Variants in HS6ST3 observed in about 807,000 individuals in gnomAD.
HS6ST3 encodes heparan-sulfate 6-O-sulfotransferase 3.
In HS6ST3, 12 loss-of-function variants were observed where a neutral mutation model predicts 36.7. The observed-to-expected ratio is 0.33, with a 90% CI of 0.21 to 0.53. The LOEUF (loss-of-function observed/expected upper bound fraction) is 0.53, where lower values mean the gene tolerates loss of function less well. HS6ST3 is among the 20% of genes least tolerant of loss of function. HS6ST3 has a pLI of 0.95. For missense variants in HS6ST3, 584 were observed against 640.9 expected (o/e 0.91, Z 0.96); for synonymous variants, 240 against 257.5 (o/e 0.93, Z 0.65).
chr13:96,712,593 TAGC>T (rs780738823), intron 1 of HS6ST3, among the ~76,000 whole-genome samples: 2 of 152,146 alleles, frequency 1.3e-5, no homozygotes, highest in Non-Finnish European at 2.9e-5. Flanking sequence ...GAGCGCCAAA[TAGC>T]AGTTTCTCCT....
chr13:96,207,050 A>G (rs761055664), intron 1 of HS6ST3, among the ~76,000 whole-genome samples: 7 of 152,314 alleles, frequency 4.6e-5, no homozygotes, highest in Non-Finnish European at 7.4e-5. Context: ...GATTTTTGCA[A>G]TCTATCCATC....
chr13:96,318,199 T>G (rs2139413284), intron 1 of HS6ST3, among the ~76,000 whole-genome samples: 1 of 152,336 alleles, frequency 6.6e-6, no homozygotes, highest in Non-Finnish European at 1.5e-5. Flanking sequence ...CATTTAAATC[T>G]TTAGTCCATC....
At chr13:96,371,744 CATA>C (rs2139441430) in intron 1 of HS6ST3, among the ~76,000 whole-genome samples, 1 of 152,270 alleles carries the variant, frequency 6.6e-6, no homozygotes, top group East Asian at 1.9e-4. Context: ...TTATTTTTAG[CATA>C]ATATCTGCCA....
intron 1 of HS6ST3, among the ~76,000 whole-genome samples, chr13:96,182,204 C>A (rs6492837): frequency 0.91 from 138,819 of 152,242 alleles, 63,418 homozygotes; most frequent in Non-Finnish European, 0.94. Flanking sequence ...TCCTCTCTTA[C>A]ATTAATTTGA....
intron 1 of HS6ST3, among the ~76,000 whole-genome samples, chr13:96,832,175 G>A (rs893259242): frequency 2.6e-5 from 4 of 152,052 alleles, no homozygotes; most frequent in African/African-American, 4.8e-5. Flanking sequence ...GTAAGGTATT[G>A]TTATTGCCAG....
chr13:96,805,473 A>G (rs1021028756), intron 1 of HS6ST3, among the ~76,000 whole-genome samples: 6 of 152,214 alleles, frequency 3.9e-5, no homozygotes, highest in African/African-American at 1.4e-4. Flanking sequence ...ACCCAGTCTC[A>G]GGTAGTTCTT....
chr13:96,555,337 G>T (rs1321493187), intron 1 of HS6ST3, among the ~76,000 whole-genome samples: 1 of 152,126 alleles, frequency 6.6e-6, no homozygotes, highest in East Asian at 1.9e-4. Context: ...TTAACACAAT[G>T]AAAAGCATTA....
At chr13:96,475,728 G>T (rs924904817) in intron 1 of HS6ST3, among the ~76,000 whole-genome samples, 1 of 151,966 alleles carries the variant, frequency 6.6e-6, no homozygotes. Context: ...AATGGTCACA[G>T]GTCAAAAAAG....
intron 1 of HS6ST3, among the ~76,000 whole-genome samples, chr13:96,092,973 C>T (rs2053772432): frequency 6.6e-6 from 1 of 152,124 alleles, no homozygotes; most frequent in Non-Finnish European, 1.5e-5. Context: ...TACTTTGGAT[C>T]TTGCCACTCT....
intron 1 of HS6ST3, among the ~76,000 whole-genome samples, chr13:96,714,038 T>C (rs778214456): frequency 2.0e-4 from 30 of 152,258 alleles, no homozygotes; most frequent in Admixed American, 8.5e-4. Context: ...ATAGCTCCCA[T>C]GTGGTTTAAA....
At chr13:96,419,240 G>A (rs2055550259) in intron 1 of HS6ST3, among the ~76,000 whole-genome samples, 1 of 152,212 alleles carries the variant, frequency 6.6e-6, no homozygotes, top group African/African-American at 2.4e-5. Flanking sequence ...CACTAATTAT[G>A]AGTTCCTTTT....
chr13:96,737,923 C>T (rs1447686661), intron 1 of HS6ST3, among the ~76,000 whole-genome samples: 1 of 152,144 alleles, frequency 6.6e-6, no homozygotes, highest in African/African-American at 2.4e-5. Flanking sequence ...ATCTCCTTCT[C>T]TTTCTCTCTT....
At chr13:96,178,943 G>A (rs1410347167) in intron 1 of HS6ST3, among the ~76,000 whole-genome samples, 1 of 152,136 alleles carries the variant, frequency 6.6e-6, no homozygotes, top group African/African-American at 2.4e-5. Context: ...CATTGGCATT[G>A]GGCCAAATAC....
chr13:96,781,402 A>G (rs1275527484), intron 1 of HS6ST3, among the ~76,000 whole-genome samples: 1 of 152,090 alleles, frequency 6.6e-6, no homozygotes, highest in Non-Finnish European at 1.5e-5. Flanking sequence ...AACCTGCCCA[A>G]CTCTACATAG....
chr13:96,629,661 G>A (rs1284327949), intron 1 of HS6ST3, among the ~76,000 whole-genome samples: 1 of 151,986 alleles, frequency 6.6e-6, no homozygotes, highest in Non-Finnish European at 1.5e-5. Flanking sequence ...TTAAATATCT[G>A]TTCTTTATTT....
intron 1 of HS6ST3, among the ~76,000 whole-genome samples, chr13:96,734,789 G>A (rs772860977): frequency 7.2e-5 from 11 of 152,130 alleles, no homozygotes; most frequent in East Asian, 1.9e-4. Flanking sequence ...AAGTGACAGC[G>A]CACCAACCAT....
chr13:96,525,069 C>T (rs2056108408), intron 1 of HS6ST3, among the ~76,000 whole-genome samples: 1 of 152,118 alleles, frequency 6.6e-6, no homozygotes, highest in African/African-American at 2.4e-5. Flanking sequence ...GAAGTCTAGG[C>T]TTTTATTGTA....
intron 1 of HS6ST3, among the ~76,000 whole-genome samples, chr13:96,325,404 A>G (rs569333584): frequency 6.6e-6 from 1 of 152,324 alleles, no homozygotes; most frequent in East Asian, 1.9e-4. Context: ...ACTCAGACCA[A>G]AAATATTCTT....
chr13:96,284,492 T>A (rs188811089), intron 1 of HS6ST3, among the ~76,000 whole-genome samples: 3 of 152,226 alleles, frequency 2.0e-5, no homozygotes, highest in Admixed American at 6.5e-5. Flanking sequence ...TCTAAGTCAG[T>A]CTAGTCTTTC....
Sources: gnomAD v4.1 joint callset for allele counts (sites outside exome capture counted in the v4.1 genomes callset) on GRCh38, gnomAD v4.1.1 for gene constraint, MANE v1.5 for transcripts, NCBI Gene and HGNC (gene_info 2026-07-23, HGNC 2026-07-21) for gene names.